The following RALYL variants were observed in gnomAD, a reference collection of about 807,000 sequenced individuals.
RALYL encodes RALY RNA binding protein like.
Under a neutral mutation model 35.1 loss-of-function variants are expected in RALYL, and 29 were observed. The ratio of observed to expected loss-of-function variants is 0.83; its 90% CI spans 0.61 to 1.13. RALYL has a LOEUF of 1.13. RALYL is among the 50% of genes most tolerant of loss of function. The probability of loss-of-function intolerance (pLI) is 0.00; values close to 1 mark genes in which losing one functional copy is unlikely to be tolerated. For missense variants in RALYL, 359 were observed against 360.4 expected (o/e 1.00, Z 0.03); for synonymous variants, 120 against 127.6 (o/e 0.94, Z 0.40).
chr8:84,409,929 A>G (rs2043933196), intron 1 of RALYL, among the ~76,000 whole-genome samples: 1 of 152,076 alleles, frequency 6.6e-6, no homozygotes, highest in Non-Finnish European at 1.5e-5. Flanking sequence ...AACAAATGAC[A>G]TGTCATTATT....
intron 2 of RALYL, among the ~76,000 whole-genome samples, chr8:84,548,580 C>T (rs971187063): frequency 6.6e-6 from 1 of 152,094 alleles, no homozygotes; most frequent in East Asian, 1.9e-4. Flanking sequence ...TGAATGTGAT[C>T]TATTCCTGTT....
At chr8:84,662,237 T>C (rs757152073) in intron 2 of RALYL, among the ~76,000 whole-genome samples, 2 of 152,152 alleles carry the variant, frequency 1.3e-5, no homozygotes, top group African/African-American at 2.4e-5. Flanking sequence ...ATGGGCTTCA[T>C]GGAAGGAATG....
intron 2 of RALYL, among the ~76,000 whole-genome samples, chr8:84,720,351 T>C (rs1843663384): frequency 2.0e-5 from 3 of 152,122 alleles, no homozygotes; most frequent in African/African-American, 7.2e-5. Context: ...TAAACCTGTA[T>C]ACTTACAGCC....
At chr8:84,313,668 C>G (rs1843219159) in intron 1 of RALYL, among the ~76,000 whole-genome samples, 1 of 152,170 alleles carries the variant, frequency 6.6e-6, no homozygotes, top group Admixed American at 6.5e-5. Context: ...TAAAGCATAG[C>G]AAGAGTCACC....
chr8:84,547,170 C>G (rs908079581), intron 2 of RALYL, among the ~76,000 whole-genome samples: 1 of 152,056 alleles, frequency 6.6e-6, no homozygotes, highest in Admixed American at 6.6e-5. Flanking sequence ...CCTGTGTTCT[C>G]ATTGTTCAGC....
intron 2 of RALYL, among the ~76,000 whole-genome samples, chr8:84,676,318 T>C (rs1588936696): frequency 6.6e-6 from 1 of 152,194 alleles, no homozygotes; most frequent in South Asian, 2.1e-4. Flanking sequence ...AAATAGTCCC[T>C]GAGATTTTGC....
At chr8:84,242,572 T>A (rs1828175149) in intron 1 of RALYL, among the ~76,000 whole-genome samples, 1 of 152,232 alleles carries the variant, frequency 6.6e-6, no homozygotes, top group Non-Finnish European at 1.5e-5. Flanking sequence ...TGATTTGCAT[T>A]TCTCTAATGA....
At chr8:84,315,832 A>AT (rs1843661580) in intron 1 of RALYL, among the ~76,000 whole-genome samples, 2 of 151,368 alleles carry the variant, frequency 1.3e-5, no homozygotes, top group African/African-American at 4.8e-5. Flanking sequence ...AAAAAAAAAA[A>AT]CTTTCTGAAT....
chr8:84,338,494 AT>A (rs1848225045), intron 1 of RALYL, among the ~76,000 whole-genome samples: 1 of 151,754 alleles, frequency 6.6e-6, no homozygotes, highest in Non-Finnish European at 1.5e-5. Context: ...CTTGAAACAG[AT>A]TGAGTATTAT....
chr8:84,596,479 C>A (rs1285282704), intron 2 of RALYL, among the ~76,000 whole-genome samples: 2 of 152,160 alleles, frequency 1.3e-5, no homozygotes, highest in Non-Finnish European at 2.9e-5. Context: ...TCTTGTCCAG[C>A]AAATAATCCC....
intron 2 of RALYL, among the ~76,000 whole-genome samples, chr8:84,530,818 T>C (rs1002191280): frequency 4.6e-5 from 7 of 152,216 alleles, no homozygotes; most frequent in African/African-American, 1.4e-4. Context: ...TCTATCTCCT[T>C]ATTCTCTCTC....
intron 2 of RALYL, among the ~76,000 whole-genome samples, chr8:84,728,049 A>G (rs1845347906): frequency 6.6e-6 from 1 of 151,690 alleles, no homozygotes; most frequent in Admixed American, 6.6e-5. Context: ...GAATCGCCAC[A>G]CTGACTTCCA....
chr8:84,417,887 C>CA (rs1350633238), intron 1 of RALYL, among the ~76,000 whole-genome samples: 5 of 152,128 alleles, frequency 3.3e-5, no homozygotes, highest in Non-Finnish European at 7.4e-5. Context: ...CTCAAGGCTT[C>CA]AGCTTTCGGA....
intron 8 of RALYL, among the ~76,000 whole-genome samples, chr8:84,895,454 C>T (rs532665228): frequency 6.6e-6 from 1 of 151,578 alleles, no homozygotes; most frequent in African/African-American, 2.4e-5. Flanking sequence ...TTTGCCAAGT[C>T]TTTCCGTTTT....
chr8:84,223,209 CTCCCTTCCCTTCCCTTCCCT>C, intron 1 of RALYL, among the ~76,000 whole-genome samples: 1 of 88,874 alleles, frequency 1.1e-5, no homozygotes, highest in Non-Finnish European at 2.0e-5. Context: ...CCTTCCATTC[CTCCCTTCCCTTCCCTTCCCT>C]TCCCTTCCCT....
At chr8:84,762,804 T>G (rs947496816) in intron 2 of RALYL, among the ~76,000 whole-genome samples, 1 of 152,180 alleles carries the variant, frequency 6.6e-6, no homozygotes, top group Non-Finnish European at 1.5e-5. Flanking sequence ...TGAAATGACA[T>G]ACAAATGTTA....
At chr8:84,231,526 A>G (rs1027212948) in intron 1 of RALYL, among the ~76,000 whole-genome samples, 2 of 152,190 alleles carry the variant, frequency 1.3e-5, no homozygotes, top group African/African-American at 2.4e-5. Context: ...AAGGGGCCAC[A>G]CTGGGAAGAA....
chr8:84,463,336 T>A (rs1321070889), intron 1 of RALYL, among the ~76,000 whole-genome samples: 1 of 152,042 alleles, frequency 6.6e-6, no homozygotes, highest in Non-Finnish European at 1.5e-5. Flanking sequence ...ACTGGTATTT[T>A]TGCTGCCAAA....
At chr8:84,470,275 A>C (rs2052540521) in intron 1 of RALYL, among the ~76,000 whole-genome samples, 1 of 152,214 alleles carries the variant, frequency 6.6e-6, no homozygotes, top group South Asian at 2.1e-4. Flanking sequence ...TTATTCTCTT[A>C]AGGCCTACAC....
Sources: gnomAD v4.1 joint callset for allele counts (sites outside exome capture counted in the v4.1 genomes callset) on GRCh38, gnomAD v4.1.1 for gene constraint, MANE v1.5 for transcripts, NCBI Gene and HGNC (gene_info 2026-07-23, HGNC 2026-07-21) for gene names.